Variants in PCDHA5 observed in about 807,000 individuals in gnomAD.
PCDHA5 encodes protocadherin alpha-5.
In PCDHA5, 43 loss-of-function variants were observed where a neutral mutation model predicts 61.6. The ratio of observed to expected loss-of-function variants is 0.70; its 90% CI spans 0.55 to 0.90. The LOEUF (loss-of-function observed/expected upper bound fraction) is 0.90, where lower values mean the gene tolerates loss of function less well. Ranked by LOEUF, PCDHA5 falls within the 40% of genes least tolerant of loss-of-function variation. The probability of loss-of-function intolerance (pLI) is 0.00; values close to 1 mark genes in which losing one functional copy is unlikely to be tolerated. For missense variants in PCDHA5, 1,298 were observed against 1,222.7 expected (o/e 1.06, Z -0.92); for synonymous variants, 627 against 543.9 (o/e 1.15, Z -2.13).
At chr5:140,907,720 C>T (rs1554193113) in intron 1 of PCDHA5, among the ~76,000 whole-genome samples, 1 of 152,208 alleles carries the variant, frequency 6.6e-6, no homozygotes, top group Non-Finnish European at 1.5e-5. Context: ...CATGTGTAAC[C>T]TCCATCCCTG....
At chr5:140,971,977 G>A (rs891260348) in intron 1 of PCDHA5, among the ~76,000 whole-genome samples, 1 of 152,022 alleles carries the variant, frequency 6.6e-6, no homozygotes, top group Non-Finnish European at 1.5e-5. Context: ...AATACTATGA[G>A]TAGACAGAAG....
intron 1 of PCDHA5, chr5:140,875,776 T>G: frequency 6.2e-7 from 1 of 1,613,910 alleles, no homozygotes; most frequent in Non-Finnish European, 8.5e-7. Context: ...GAGCGCGGAG[T>G]GCAGTATCCA....
intron 1 of PCDHA5, chr5:140,882,427 G>A: frequency 6.2e-7 from 1 of 1,614,090 alleles, no homozygotes; most frequent in Non-Finnish European, 8.5e-7. Flanking sequence ...AGGACCTGGG[G>A]CTGGAGCTGG....
chr5:140,935,057 G>A (rs2090168860), intron 1 of PCDHA5, among the ~76,000 whole-genome samples: 1 of 152,034 alleles, frequency 6.6e-6, no homozygotes, highest in Non-Finnish European at 1.5e-5. Flanking sequence ...ATTACAAGAT[G>A]TTCAGATTAT....
Position 141,009,784 on chromosome 5 carries a change from G to T in PCDHA5, c.2658G>T (p.Arg886=). The T allele has an allele frequency of 6.2e-7, 1 of 1,614,054 alleles. No individual in the cohort carries two copies. The highest frequency in any genetic ancestry group is 8.5e-7 in the Non-Finnish European group (1 of 1,180,018). ...GATCTCCTGCAATCATCTCCATCCG[G>T]CAGGAGCCTACTAACAGCCAAATTG... ...IPGSPAIISI[R]QEPTNSQIDK... The change falls in exon 4 of 4, where the codon CGG becomes CGT. Residue 886 remains arginine (R), a synonymous_variant. Coordinates refer to ENST00000529859, the MANE Select transcript of PCDHA5 (RefSeq NM_018908.3).
intron 1 of PCDHA5, among the ~76,000 whole-genome samples, chr5:140,933,279 C>T (rs992723234): frequency 6.6e-6 from 1 of 151,840 alleles, no homozygotes; most frequent in African/African-American, 2.4e-5. Flanking sequence ...TCATTTGGAA[C>T]TTGTTTTGGA....
chr5:140,862,365 G>A (rs569361686), intron 1 of PCDHA5: 7 of 337,896 alleles, frequency 2.1e-5, no homozygotes, highest in African/African-American at 1.3e-4. Context: ...CAGACGACCC[G>A]CACCCTGACT....
chr5:141,000,367 C>G (rs1158701279), intron 3 of PCDHA5, among the ~76,000 whole-genome samples: 1 of 18,506 alleles, frequency 5.4e-5, no homozygotes, highest in Admixed American at 6.5e-4. Flanking sequence ...CTCTGTCTCT[C>G]TCTCTCTCTC....
chr5:140,959,753 T>C (rs1479386012), intron 1 of PCDHA5, among the ~76,000 whole-genome samples: 1 of 152,226 alleles, frequency 6.6e-6, no homozygotes. Context: ...TTAAAGTATA[T>C]TTTAATATTC....
intron 1 of PCDHA5, among the ~76,000 whole-genome samples, chr5:140,954,401 A>G (rs567522525): frequency 2.0e-4 from 31 of 152,300 alleles, no homozygotes; most frequent in Middle Eastern, 3.4e-3. Flanking sequence ...AACCCCACCA[A>G]CAGGGTAAAG....
intron 3 of PCDHA5, among the ~76,000 whole-genome samples, chr5:141,003,251 C>T (rs1240561091): frequency 6.6e-6 from 1 of 152,176 alleles, no homozygotes; most frequent in Admixed American, 6.5e-5. Flanking sequence ...AAAAAGATTC[C>T]TGGGCAGTGC....
Position 140,841,880 on chromosome 5 carries a change from G to A in PCDHA5, c.2352+17753G>A. 2.2e-5 allele frequency: 36 copies of A among 1,613,826 alleles called. 2 individuals are homozygous for A. Among genetic ancestry groups the A allele is most frequent in the Non-Finnish European group, 3.1e-5 (36 of 1,179,824 alleles). ...CATGCTAGATGTGAATTCAAAGAAC[G>A]ATGAGAATAAACTGGTTGAGCTCGT... On this transcript the variant is annotated intron_variant, in intron 1 of 3. Coordinates refer to ENST00000529859, the MANE Select transcript of PCDHA5 (RefSeq NM_018908.3).
In PCDHA5 at chr5:140,870,774, G is replaced by T. The variant is rs782539037; in HGVS notation, c.2352+46647G>T. The T allele has an allele frequency of 2.9e-5, 47 of 1,613,632 alleles. 1 individual carries two copies. The South Asian group carries it at 3.8e-4, about 13-fold the overall frequency. On this transcript the variant is annotated intron_variant, in intron 1 of 3. Coordinates refer to ENST00000529859, the MANE Select transcript of PCDHA5 (RefSeq NM_018908.3). ...CGCTGCAGGTGTTCGTGCTGGACGA[G>T]AACGACAACGCGCCGGCACTGCTGG...
In PCDHA5 at chr5:140,853,628, A is replaced by G. The variant is rs782528140; in HGVS notation, c.2352+29501A>G. ...GGGGTGCTGTAAATAAGTATACAAG[A>G]TCACAGACCTAAATTGAGCCTGTTC... On this transcript the variant is annotated intron_variant, in intron 1 of 3. Transcript: ENST00000529859. The G allele has an allele frequency of 2.2e-5, 22 of 988,404 alleles. 3 individuals are homozygous for G. The highest frequency in any genetic ancestry group is 2.6e-5 in the Non-Finnish European group (21 of 820,488). The allele number at this position is 988,404 out of a possible 1,614,324, so 61.2% of individuals were successfully genotyped here.
intron 1 of PCDHA5, among the ~76,000 whole-genome samples, chr5:140,959,240 G>A (rs1554223957): frequency 1.3e-5 from 2 of 152,074 alleles, no homozygotes; most frequent in African/African-American, 4.8e-5. Flanking sequence ...ATCTGGGCAT[G>A]ATAGTGCATG....
At chr5:140,892,083 C>T (rs1019565386) in intron 1 of PCDHA5, among the ~76,000 whole-genome samples, 5 of 152,144 alleles carry the variant, frequency 3.3e-5, no homozygotes, top group African/African-American at 1.2e-4. Context: ...TTTCTAGTTT[C>T]CTCTCGAAAC....
Position 141,009,659 on chromosome 5 carries a change from G to A in PCDHA5, c.2533G>A (p.Gly845Ser), listed in dbSNP as rs781996586. 3.0e-5 allele frequency: 48 copies of A among 1,613,808 alleles called. No individual in the cohort carries two copies. Among genetic ancestry groups the A allele is most frequent in the East Asian group, 4.5e-5 (2 of 44,878 alleles). The change falls in exon 4 of 4, where the codon GGT becomes AGT. Residue 845 changes from glycine (G) to serine (S), a missense_variant. Coordinates refer to ENST00000529859, the MANE Select transcript of PCDHA5 (RefSeq NM_018908.3). ...GGCAGGAGAAGTGTCCCCTCCAGTC[G>A]GTGCGGGTGTCAACAGCAACAGCTG... is the stretch of plus-strand genomic sequence containing the variant. ...PEAGEVSPPV[G>S]AGVNSNSWTF...
chr5:140,876,648 T>A, intron 1 of PCDHA5: 4 of 1,614,208 alleles, frequency 2.5e-6, no homozygotes, highest in Non-Finnish European at 3.4e-6. Flanking sequence ...TGACACCTCA[T>A]GTTCCCTTCA....
chr5:140,892,943 AC>A (rs2063750109), intron 1 of PCDHA5, among the ~76,000 whole-genome samples: 1 of 152,088 alleles, frequency 6.6e-6, no homozygotes, highest in South Asian at 2.1e-4. Flanking sequence ...TAAGCACAAT[AC>A]TACTTCCATG....
Sources: gnomAD v4.1 joint callset for allele counts (sites outside exome capture counted in the v4.1 genomes callset) on GRCh38, gnomAD v4.1.1 for gene constraint, MANE v1.5 for transcripts, NCBI Gene and HGNC (gene_info 2026-07-23, HGNC 2026-07-21) for gene names.